Variants in RC3H1 observed in about 807,000 individuals in gnomAD.
RC3H1 encodes the protein roquin-1.
In RC3H1, 50 loss-of-function variants were observed where a neutral mutation model predicts 138.2. The observed-to-expected ratio is 0.36, with a 90% CI of 0.29 to 0.46. The LOEUF (loss-of-function observed/expected upper bound fraction) is 0.46, where lower values mean the gene tolerates loss of function less well. Among genes scored for constraint, RC3H1 ranks in the 20% least tolerant of loss-of-function variants. The pLI, the probability that RC3H1 is intolerant of heterozygous loss-of-function variation, is 1.00. For synonymous variants in RC3H1, 462 were observed against 489.1 expected (o/e 0.94, Z 0.73); for missense variants, 1,031 against 1,388.1 (o/e 0.74, Z 4.09).
At chr1:173,953,410 T>G (rs1368615122) in intron 13 of RC3H1, among the ~76,000 whole-genome samples, 2 of 152,078 alleles carry the variant, frequency 1.3e-5, no homozygotes, top group Admixed American at 1.3e-4. Flanking sequence ...TATCTGGGAT[T>G]ACAGGTGCAT....
At position 173,982,105 on chromosome 1, in the gene RC3H1, C is replaced by T. The variant is rs1041112888; in HGVS notation, c.768+622G>A. On this transcript the variant is annotated intron_variant, in intron 5 of 19. Transcript: ENST00000367696. ...TCTGAATAAAATTTATTTGGCTGGGCGCGGTGGCTCACGCTTGTAATCCCA... is the reference window on the plus strand; with the variant it reads ...TCTGAATAAAATTTATTTGGCTGGGTGCGGTGGCTCACGCTTGTAATCCCA... 4.6e-5 allele frequency among the ~76,000 whole-genome samples: 7 copies of T among 152,188 alleles called. No homozygotes were observed. In the East Asian group the frequency reaches 5.8e-4, roughly 13 times the overall value.
At chr1:173,959,065 G>A (rs946755053) in intron 13 of RC3H1, among the ~76,000 whole-genome samples, 2 of 152,064 alleles carry the variant, frequency 1.3e-5, no homozygotes, top group African/African-American at 2.4e-5. Flanking sequence ...AGATTAGAAA[G>A]GAGTCAAGAA....
At chr1:174,009,857 T>C (rs1376490199) in intron 1 of RC3H1, among the ~76,000 whole-genome samples, 1 of 152,102 alleles carries the variant, frequency 6.6e-6, no homozygotes, top group Admixed American at 6.6e-5. Flanking sequence ...CAGATTTTTG[T>C]TTCTATCTTT....
chr1:173,936,848 C>T lies in RC3H1; in HGVS notation c.*1873G>A, dbSNP rs1384144570. The T allele has an allele frequency of 5.6e-5, 8 of 142,314 alleles. No individual in the cohort carries two copies. The highest frequency in any genetic ancestry group is 1.2e-4 in the Non-Finnish European group (8 of 65,838). The allele number at this position is 142,314 out of a possible 1,614,324, so 8.8% of individuals were successfully genotyped here. ...CCTCACCTTCATTCAGTGCTTCTAC[C>T]ACCTCCCAATCGGTCAATTTATCGC... On this transcript the variant is annotated 3_prime_UTR_variant, in exon 20 of 20. Transcript: ENST00000367696.
At chr1:174,012,233 A>T (rs1230768838) in intron 1 of RC3H1, among the ~76,000 whole-genome samples, 2 of 152,022 alleles carry the variant, frequency 1.3e-5, no homozygotes, top group Admixed American at 1.3e-4. Context: ...TCTGTCTCAA[A>T]AAAAAAAATA....
intron 5 of RC3H1, 40 bp from the exon 6 acceptor site, chr1:173,981,049 A>T: frequency 6.4e-7 from 1 of 1,551,234 alleles, no homozygotes; most frequent in Non-Finnish European, 8.8e-7. Context: ...AGTCAAAAAA[A>T]TGAGTTTATG....
intron 18 of RC3H1, among the ~76,000 whole-genome samples, chr1:173,943,068 T>A (rs1007168282): frequency 3.9e-5 from 6 of 152,308 alleles, no homozygotes; most frequent in Non-Finnish European, 1.5e-5. Flanking sequence ...GAAACTAGAA[T>A]GTTATTTGGT....
chr1:173,970,894 G>C (rs1232811952), intron 8 of RC3H1, among the ~76,000 whole-genome samples: 1 of 151,252 alleles, frequency 6.6e-6, no homozygotes, highest in East Asian at 1.9e-4. Context: ...AATCTCATGG[G>C]CATTCTTATA....
chr1:174,006,621 T>C (rs1221743685), intron 1 of RC3H1, among the ~76,000 whole-genome samples: 1 of 152,242 alleles, frequency 6.6e-6, no homozygotes, highest in Non-Finnish European at 1.5e-5. Flanking sequence ...TAGTCAGCCA[T>C]AATTAAAGAT....
intron 1 of RC3H1, among the ~76,000 whole-genome samples, chr1:174,011,621 G>A (rs1382354897): frequency 6.6e-6 from 1 of 151,890 alleles, no homozygotes; most frequent in East Asian, 1.9e-4. Flanking sequence ...TAAGCAGTAC[G>A]ATTATTTTTA....
chr1:173,962,343 C>T (rs546683051), intron 11 of RC3H1, among the ~76,000 whole-genome samples: 5 of 152,234 alleles, frequency 3.3e-5, no homozygotes, highest in East Asian at 1.9e-4. Flanking sequence ...TTGTTTGACC[C>T]TCTTTCTGGT....
At chr1:173,941,218 CTT>C in intron 19 of RC3H1, 45 bp downstream of exon 19, 1 of 1,105,176 alleles carries the variant, frequency 9.0e-7, no homozygotes, top group Non-Finnish European at 1.4e-6. Flanking sequence ...ATTAGTTTCT[CTT>C]TTGTGTGTAA....
intron 1 of RC3H1, among the ~76,000 whole-genome samples, chr1:174,017,783 C>CCAAAAA (rs1165317766): frequency 2.8e-5 from 2 of 72,038 alleles, no homozygotes; most frequent in African/African-American, 5.7e-5. Flanking sequence ...TTTTCTTGCT[C>CCAAAAA]AAAAAAAAAA....
chr1:173,939,407 C>G (rs535069311), intron 19 of RC3H1, among the ~76,000 whole-genome samples: 8 of 151,310 alleles, frequency 5.3e-5, no homozygotes, highest in African/African-American at 1.9e-4. Context: ...GTGGTGTGTG[C>G]CTGTAAAAAC....
At chr1:173,978,807 T>G (rs964229241) in intron 6 of RC3H1, among the ~76,000 whole-genome samples, 187 bp from the exon 7 acceptor site, 3 of 152,230 alleles carry the variant, frequency 2.0e-5, no homozygotes, top group Non-Finnish European at 4.4e-5. Flanking sequence ...ATCCAGAGCT[T>G]GGCACATTGT....
intron 7 of RC3H1, 112 bp downstream of exon 7, chr1:173,978,376 C>T (rs1265337229): frequency 2.8e-6 from 3 of 1,080,862 alleles, no homozygotes; most frequent in African/African-American, 3.2e-5. Flanking sequence ...TAAAAAAGAT[C>T]TGGAGTAACT....
intron 14 of RC3H1, among the ~76,000 whole-genome samples, chr1:173,951,073 C>T (rs920418141): frequency 6.6e-6 from 1 of 152,060 alleles, no homozygotes; most frequent in African/African-American, 2.4e-5. Context: ...GCCTGTAATC[C>T]CAGCACTTTG....
chr1:173,932,889 C>G lies in RC3H1; in HGVS notation c.*5832G>C, dbSNP rs1415235572. 1.3e-5 allele frequency: 2 copies of G among 152,086 alleles called. No individual in the cohort carries two copies. Among genetic ancestry groups the G allele is most frequent in the Non-Finnish European group, 2.9e-5 (2 of 67,976 alleles). The allele number at this position is 152,086 out of a possible 1,614,324, so 9.4% of individuals were successfully genotyped here. A position where few individuals can be genotyped will look rare whatever the true frequency, so the allele number is the denominator to read the frequency against. On this transcript the variant is annotated 3_prime_UTR_variant, in exon 20 of 20. Coordinates refer to ENST00000367696, the MANE Select transcript of RC3H1 (RefSeq NM_172071.4). The stretch of plus-strand genomic sequence containing the variant: ...TTTTCTTGACTCTTTCATACACTCA[C>G]TGGGGTGGGGGACCACCTGACAGTT...
chr1:173,993,234 A>G (rs769125136), intron 1 of RC3H1, 99 bp from the exon 2 acceptor site: 4 of 478,012 alleles, frequency 8.4e-6, no homozygotes, highest in South Asian at 7.8e-5. Flanking sequence ...AACTTTTTAT[A>G]CCACATTTGT....
Sources: allele counts gnomAD v4.1 joint callset (sites outside exome capture counted in the v4.1 genomes callset), GRCh38; gene constraint gnomAD v4.1.1; transcripts MANE v1.5; gene names NCBI Gene and HGNC (gene_info 2026-07-23, HGNC 2026-07-21).